Variants in DHRS7B observed in about 807,000 individuals in gnomAD.
DHRS7B encodes the protein dehydrogenase/reductase 7B, also known as peroxisomal reductase activating PPAR-gamma.
A neutral mutation model predicts 26.4 loss-of-function variants in DHRS7B; 24 were observed. That is an observed-to-expected ratio of 0.91 (90% CI 0.66 to 1.28). The LOEUF (loss-of-function observed/expected upper bound fraction) is 1.28. DHRS7B is among the 50% of genes most tolerant of loss of function. DHRS7B has a pLI of 0.00. For missense variants in DHRS7B, 368 were observed against 419.4 expected (o/e 0.88, Z 1.07); for synonymous variants, 142 against 166.4 (o/e 0.85, Z 1.13).
chr17:21,132,799 T>C (rs187594912), intron 1 of DHRS7B, among the ~76,000 whole-genome samples: 1 of 152,308 alleles, frequency 6.6e-6, no homozygotes, highest in Admixed American at 6.5e-5. Context: ...TAGGCTAAAC[T>C]TCTTATAACA....
At chr17:21,180,950 C>T (rs1201035512) in intron 3 of DHRS7B, among the ~76,000 whole-genome samples, 2 of 152,212 alleles carry the variant, frequency 1.3e-5, no homozygotes, top group Non-Finnish European at 2.9e-5. Context: ...GATGTCTTTC[C>T]ATGAACTTAC....
chr17:21,152,109 A>G (rs1174123362), intron 1 of DHRS7B, among the ~76,000 whole-genome samples: 1 of 152,184 alleles, frequency 6.6e-6, no homozygotes, highest in Non-Finnish European at 1.5e-5. Context: ...ACCATCAGCC[A>G]ATTAAATCTC....
At chr17:21,140,532 A>ACACG (rs1455273661) in intron 1 of DHRS7B, among the ~76,000 whole-genome samples, 1 of 149,202 alleles carries the variant, frequency 6.7e-6, no homozygotes, top group Non-Finnish European at 1.5e-5. Flanking sequence ...ACACACACAC[A>ACACG]CACACACCCT....
rs370414636 is a variant in DHRS7B, at chr17:21,138,458, T to G, written c.20+11467T>G. ...CAGGATGGTCTTGATCTCCTGACCT[T>G]GTGATCCACCTGCCTCTGCCTCCCA... On this transcript the variant is annotated intron_variant, in intron 1 of 6. Transcript: ENST00000395511. 5.9e-5 allele frequency among the ~76,000 whole-genome samples: 9 copies of G among 151,550 alleles called. No individual in the cohort carries two copies. In the East Asian group the frequency reaches 1.8e-3, roughly 30 times the overall value.
chr17:21,156,167 A>G (rs1212656047), intron 1 of DHRS7B, among the ~76,000 whole-genome samples: 1 of 152,216 alleles, frequency 6.6e-6, no homozygotes, highest in Non-Finnish European at 1.5e-5. Flanking sequence ...CAACAAAACT[A>G]AAAGCTGGTT....
chr17:21,166,553 A>G, intron 1 of DHRS7B: 2 of 424,676 alleles, frequency 4.7e-6, no homozygotes, highest in Non-Finnish European at 6.2e-6. Flanking sequence ...AAAAAAAAAA[A>G]GGCAGTTTGA....
At chr17:21,130,888 G>A (rs1232954169) in intron 1 of DHRS7B, among the ~76,000 whole-genome samples, 1 of 152,184 alleles carries the variant, frequency 6.6e-6, no homozygotes, top group East Asian at 1.9e-4. Flanking sequence ...GCATGAGGGT[G>A]AAAATTGGGA....
intron 1 of DHRS7B, among the ~76,000 whole-genome samples, chr17:21,161,776 C>T (rs1342370064): frequency 6.6e-6 from 1 of 152,156 alleles, no homozygotes; most frequent in African/African-American, 2.4e-5. Flanking sequence ...AGTGATAGGG[C>T]ACCTGCTAGG....
rs560838545 is a variant in DHRS7B at position 21,188,629 on chromosome 17, G to A, written c.620-82G>A. The A allele has an allele frequency of 2.4e-5, 34 of 1,407,536 alleles. 1 individual carries two copies. Among genetic ancestry groups the A allele is most frequent in the Middle Eastern group, 2.5e-4 (1 of 3,976 alleles). The allele number at this position is 1,407,536 out of a possible 1,614,324, so 87.2% of individuals were successfully genotyped here. A position where few individuals can be genotyped will look rare whatever the true frequency, so the allele number is the denominator to read the frequency against. ...AAACCAGGTTTTCAAAACAGAGAGC[G>A]TGAATGGTAGTGAATAGTTGGGCAC... On this transcript the variant is annotated intron_variant, in intron 5 of 6. Transcript: ENST00000395511.
rs59204816 is a variant in DHRS7B at position 21,183,219 on chromosome 17, AT to A, written c.310-367del. Among the ~76,000 whole-genome samples the A allele has an allele frequency of 2.7e-4, 41 of 151,984 alleles. No homozygotes were observed. The East Asian group carries it at 6.8e-3, about 25-fold the overall frequency. On this transcript the variant is annotated intron_variant, in intron 3 of 6. Transcript: ENST00000395511. ...TATAATCATTTTTATAATCTTTATA[AT>A]TTTTTTTATCATCTCATCATTTCTG...
Position 21,172,170 on chromosome 17 carries a change from C to CG in DHRS7B, c.173_174insG (p.Gly59ArgfsTer20). On this transcript the variant is annotated frameshift_variant, in exon 2 of 7. Transcript: ENST00000395511. LOFTEE classifies it high-confidence loss of function. ...CTGCGGAATGCTGTGGTGGTGATCA[C>CG]AGGCGCCACCTCAGGGCTGGGCAAA... The CG allele has an allele frequency of 1.9e-6, 3 of 1,613,392 alleles. No homozygotes were observed. The highest frequency in any genetic ancestry group is 2.5e-6 in the Non-Finnish European group (3 of 1,179,698).
intron 3 of DHRS7B, 107 bp from the exon 4 acceptor site, chr17:21,183,487 A>G: frequency 1.9e-6 from 2 of 1,055,794 alleles, no homozygotes; most frequent in Non-Finnish European, 2.8e-6. Flanking sequence ...CTAGTTCCTT[A>G]AAATATAAAG....
rs759070460 is a variant in DHRS7B at position 21,172,175 on chromosome 17, G to A, written c.178G>A (p.Ala60Thr). Residue 60 changes from alanine (A) to threonine (T), a missense_variant, in exon 2 of 7, where the codon GCC (alanine) becomes ACC (threonine). Ala to Thr is a moderately conservative substitution (Grantham distance 58, BLOSUM62 0). Coordinates refer to ENST00000395511, the MANE Select transcript of DHRS7B (RefSeq NM_015510.5). Reference sequence around the variant, plus strand: ...GAATGCTGTGGTGGTGATCACAGGCGCCACCTCAGGGCTGGGCAAAGGTGG... The same window carrying A: ...GAATGCTGTGGTGGTGATCACAGGCACCACCTCAGGGCTGGGCAAAGGTGG... ...LRNAVVVITG[A>T]TSGLGKECAK... The A allele has an allele frequency of 7.9e-5, 128 of 1,612,702 alleles. No homozygotes were observed. Among genetic ancestry groups the A allele is most frequent in the Non-Finnish European group, 9.3e-5 (110 of 1,179,472 alleles).
intron 1 of DHRS7B, among the ~76,000 whole-genome samples, chr17:21,158,865 G>A (rs1391358409): frequency 1.3e-5 from 2 of 151,690 alleles, no homozygotes; most frequent in Non-Finnish European, 2.9e-5. Context: ...AGAATAGAGA[G>A]CCCAGAAATA....
chr17:21,156,843 G>T (rs1397188254), intron 1 of DHRS7B, among the ~76,000 whole-genome samples: 2 of 151,570 alleles, frequency 1.3e-5, no homozygotes, highest in Admixed American at 6.6e-5. Flanking sequence ...AACCTGGGAG[G>T]TGGAGGTTGC....
intron 1 of DHRS7B, among the ~76,000 whole-genome samples, chr17:21,160,140 T>C (rs951545582): frequency 1.3e-5 from 2 of 151,694 alleles, no homozygotes; most frequent in Non-Finnish European, 2.9e-5. Flanking sequence ...TAGATCACAA[T>C]GTCATGAGTT....
intron 1 of DHRS7B, chr17:21,171,723 G>T: frequency 2.0e-6 from 1 of 505,940 alleles, no homozygotes; most frequent in Non-Finnish European, 3.6e-6. Context: ...ACCTCTTCCT[G>T]TAACACTGTG....
chr17:21,131,955 T>C (rs1310793689), intron 1 of DHRS7B, among the ~76,000 whole-genome samples: 1 of 152,204 alleles, frequency 6.6e-6, no homozygotes, highest in African/African-American at 2.4e-5. Context: ...CTAAACTGAA[T>C]CAAAGAAACT....
rs563753480 is a variant in DHRS7B, at chr17:21,140,055, C to T, written c.20+13064C>T. 1.1e-3 allele frequency among the ~76,000 whole-genome samples: 125 copies of T among 117,536 alleles called. 1 individual carries two copies. The highest frequency in any genetic ancestry group is 2.0e-3 in the Non-Finnish European group (116 of 58,788). 77.1% of individuals were successfully genotyped at this position (117,536 alleles called of 152,430 possible). On this transcript the variant is annotated intron_variant, in intron 1 of 6. Coordinates refer to ENST00000395511, the MANE Select transcript of DHRS7B (RefSeq NM_015510.5). The stretch of plus-strand genomic sequence containing the variant: ...TTTTTTTTTTTTTGAGACAGAGTCT[C>T]ACTCTGTCGCCCAGGCTGGAGTGCG...
Sources: gnomAD v4.1 joint callset for allele counts (sites outside exome capture counted in the v4.1 genomes callset) on GRCh38, gnomAD v4.1.1 for gene constraint, MANE v1.5 for transcripts, NCBI Gene and HGNC (gene_info 2026-07-23, HGNC 2026-07-21) for gene names.